The following CRISP2 variants were observed in gnomAD, a reference collection of about 807,000 sequenced individuals.
CRISP2 encodes the protein cysteine-rich secretory protein 2.
CRISP2 carries 29 observed loss-of-function variants against 31.7 expected under a neutral mutation model. That is an observed-to-expected ratio of 0.92 (90% CI 0.68 to 1.25). The LOEUF is 1.25. CRISP2 is among the 50% of genes most tolerant of loss of function. The probability of loss-of-function intolerance (pLI) is 0.00; values close to 1 mark genes in which losing one functional copy is unlikely to be tolerated. For synonymous variants in CRISP2, 111 were observed against 101.4 expected, an observed-to-expected ratio of 1.09 and a Z score of -0.57; for missense variants, 318 against 286.5, an observed-to-expected ratio of 1.11 and a Z score of -0.79.
chr6:49,698,535 GTAA>G (rs1765151590), intron 6 of CRISP2, 28 bp from the exon 7 acceptor site: 2 of 1,574,710 alleles, frequency 1.3e-6, no homozygotes, highest in Admixed American at 4.1e-5. Context: ...CATGAGCAAG[GTAA>G]TAAACATGCA....
chr6:49,709,410 A>G (rs1767620549), intron 3 of CRISP2, among the ~76,000 whole-genome samples: 1 of 152,168 alleles, frequency 6.6e-6, no homozygotes, highest in African/African-American at 2.4e-5. Context: ...ACAATAAAGA[A>G]AAAGCTGAAG....
chr6:49,704,334 T>A (rs1766624531), intron 4 of CRISP2, among the ~76,000 whole-genome samples: 1 of 152,198 alleles, frequency 6.6e-6, no homozygotes, highest in South Asian at 2.1e-4. Flanking sequence ...ATAATTAACC[T>A]TCTGAATTCT....
At chr6:49,695,972 C>T in intron 8 of CRISP2, 48 bp from the exon 9 acceptor site, 1 of 1,228,170 alleles carries the variant, frequency 8.1e-7, no homozygotes, top group Non-Finnish European at 1.2e-6. Context: ...ACTGTTTATA[C>T]TCTAAGGGCA....
At chr6:49,697,108 G>A (rs1451532363) in intron 8 of CRISP2, among the ~76,000 whole-genome samples, 3 of 152,132 alleles carry the variant, frequency 2.0e-5, no homozygotes, top group African/African-American at 7.2e-5. Context: ...TCCTGTAGCT[G>A]TGCCCCCCAC....
rs768493726 is a variant in CRISP2, at chr6:49,700,796, T to G, written c.67-12A>C. ...GTAAAAGCGGGATCCTAAAAGAAAA[T>G]AAAATTGGAATTATTATTTAACAAT... On this transcript the variant is annotated splice_polypyrimidine_tract_variant and intron_variant, in intron 4 of 9. Transcript: ENST00000339139. The G allele has an allele frequency of 3.4e-6, 5 of 1,477,686 alleles. No individual in the cohort carries two copies. Among genetic ancestry groups the G allele is most frequent in the Non-Finnish European group, 9.4e-7 (1 of 1,059,328 alleles). The allele number at this position is 1,477,686 out of a possible 1,614,324, so 91.5% of individuals were successfully genotyped here.
At chr6:49,684,577 T>C in the CRISP2 span, among the ~76,000 whole-genome samples, 9 of 152,138 alleles carry the variant, frequency 5.9e-5, no homozygotes, top group Non-Finnish European at 1.3e-4. Flanking sequence ...GAGAAGAAAA[T>C]TAAAATGTAT....
chr6:49,690,132 C>A (rs534563328), downstream of CRISP2, among the ~76,000 whole-genome samples: 1 of 152,176 alleles, frequency 6.6e-6, no homozygotes, highest in South Asian at 2.1e-4. Context: ...CCTTAGGTAT[C>A]TTGTCTCCTA....
intron 7 of CRISP2, 53 bp downstream of exon 7, chr6:49,698,309 C>G (rs1041720203): frequency 5.0e-6 from 8 of 1,592,044 alleles, no homozygotes; most frequent in Admixed American, 1.7e-5. Context: ...TTTGGAGAAG[C>G]TTTCCTCTAT....
At chr6:49,681,832 G>C in the CRISP2 span, among the ~76,000 whole-genome samples, 9 of 152,020 alleles carry the variant, frequency 5.9e-5, no homozygotes, top group Admixed American at 3.9e-4. Context: ...CCAGCTTCAA[G>C]ATTTTTTTTT....
chr6:49,699,945 T>C (rs1765379642), intron 5 of CRISP2, 54 bp from the exon 6 acceptor site: 1 of 1,433,612 alleles, frequency 7.0e-7, no homozygotes, highest in South Asian at 1.2e-5. Flanking sequence ...CAATGAAACA[T>C]ACACTTTATA....
chr6:49,684,809 C>T, the CRISP2 span, among the ~76,000 whole-genome samples: 1 of 152,172 alleles, frequency 6.6e-6, no homozygotes, highest in Admixed American at 6.5e-5. Context: ...CATACATACA[C>T]ACACTTATAT....
At chr6:49,691,061 G>A (rs900192952), downstream of CRISP2, among the ~76,000 whole-genome samples, 2 of 151,504 alleles carry the variant, frequency 1.3e-5, no homozygotes, top group South Asian at 2.1e-4. Context: ...TTATTTTTTA[G>A]TCACTTCTGT....
chr6:49,705,787 T>G (rs521286), intron 4 of CRISP2, among the ~76,000 whole-genome samples: 1 of 152,096 alleles, frequency 6.6e-6, no homozygotes, highest in Admixed American at 6.6e-5. Context: ...AGGTTAAATC[T>G]TTCTCCCATG....
chr6:49,703,784 T>C (rs985926808), intron 4 of CRISP2, among the ~76,000 whole-genome samples: 4 of 152,190 alleles, frequency 2.6e-5, no homozygotes, highest in African/African-American at 9.7e-5. Context: ...CAGCTCGTAA[T>C]ATTCTTTTCT....
At chr6:49,711,493 CATT>C (rs1471340326) in intron 2 of CRISP2, among the ~76,000 whole-genome samples, 172 bp from the exon 3 acceptor site, 1 of 152,174 alleles carries the variant, frequency 6.6e-6, no homozygotes, top group Non-Finnish European at 1.5e-5. Context: ...ATGCTTTTGA[CATT>C]ATTTGCTTCC....
At chr6:49,706,889 T>C (rs1418377435) in intron 4 of CRISP2, among the ~76,000 whole-genome samples, 1 of 152,184 alleles carries the variant, frequency 6.6e-6, no homozygotes, top group Non-Finnish European at 1.5e-5. Context: ...CCAATAAATA[T>C]GGCAAAGTTA....
intron 8 of CRISP2, among the ~76,000 whole-genome samples, chr6:49,696,750 C>T (rs78722295): frequency 0.033 from 5,044 of 151,976 alleles, 293 homozygotes; most frequent in African/African-American, 0.12. Flanking sequence ...CTCAATAGAC[C>T]AAGTGGGGTA....
the CRISP2 span, among the ~76,000 whole-genome samples, chr6:49,679,428 CA>C: frequency 1.3e-5 from 2 of 152,020 alleles, no homozygotes; most frequent in African/African-American, 4.8e-5. Context: ...GAAAGCTAAG[CA>C]ATGTGATAAA....
At chr6:49,702,849 G>A (rs11755294) in intron 4 of CRISP2, among the ~76,000 whole-genome samples, 1 of 151,932 alleles carries the variant, frequency 6.6e-6, no homozygotes, top group Non-Finnish European at 1.5e-5. Context: ...TTTGCTTTTG[G>A]GTTCTTGGTC....
Sources: allele counts gnomAD v4.1 joint callset (sites outside exome capture counted in the v4.1 genomes callset), GRCh38; gene constraint gnomAD v4.1.1; transcripts MANE v1.5; gene names NCBI Gene and HGNC (gene_info 2026-07-23, HGNC 2026-07-21).